DTNBP1: variants seen among roughly 807,000 people sequenced by gnomAD.
DTNBP1 encodes dysbindin.
DTNBP1 carries 35 observed loss-of-function variants against 42.8 expected under a neutral mutation model. The ratio of observed to expected loss-of-function variants is 0.82; its 90% CI spans 0.63 to 1.09. DTNBP1 has a LOEUF of 1.09. Ranked by LOEUF, DTNBP1 falls within the 50% of genes least tolerant of loss-of-function variation. The pLI is 0.00. For missense variants in DTNBP1, 457 were observed against 424.2 expected (o/e 1.08, Z -0.68); for synonymous variants, 171 against 162.2 (o/e 1.05, Z -0.41).
chr6:15,660,522 C>T (rs1761546404), intron 1 of DTNBP1: 8 of 1,289,734 alleles, frequency 6.2e-6, no homozygotes, highest in Non-Finnish European at 8.1e-6. Flanking sequence ...TGAAAGTGAC[C>T]TGTACAGGAG....
intron 7 of DTNBP1, among the ~76,000 whole-genome samples, chr6:15,584,860 AC>A (rs140140702): frequency 1.3e-5 from 2 of 148,426 alleles, no homozygotes; most frequent in East Asian, 2.0e-4. Context: ...CTCAGTTACC[AC>A]CCCCATGGAT....
chr6:15,522,826 ATTG>A lies in DTNBP1; in HGVS notation c.*146_*148del, dbSNP rs1159014718. ...TCTCAGTTTACCGTCCTCACACTTTATTGTTAGCTGTTCTTTAAGTTTCTCACA... is the reference window on the plus strand; with the variant it reads ...TCTCAGTTTACCGTCCTCACACTTTATTAGCTGTTCTTTAAGTTTCTCACA... On this transcript the variant is annotated 3_prime_UTR_variant, in exon 10 of 10. Coordinates refer to ENST00000344537, the MANE Select transcript of DTNBP1 (RefSeq NM_032122.5). 1.6e-5 allele frequency: 22 copies of A among 1,390,822 alleles called. No homozygotes were observed. The South Asian group carries it at 2.6e-4, about 16-fold the overall frequency. 86.2% of individuals were successfully genotyped at this position (1,390,822 alleles called of 1,614,324 possible). A position where few individuals can be genotyped will look rare whatever the true frequency, so the allele number is the denominator to read the frequency against.
chr6:15,526,206 C>T lies in DTNBP1; in HGVS notation c.668-1537G>A, dbSNP rs574104032. Among the ~76,000 whole-genome samples the T allele has an allele frequency of 2.0e-5, 3 of 152,202 alleles. No homozygotes were observed. In the South Asian group the frequency reaches 6.2e-4, roughly 32 times the overall value. On this transcript the variant is annotated intron_variant, in intron 8 of 9. Coordinates refer to ENST00000344537, the MANE Select transcript of DTNBP1 (RefSeq NM_032122.5). ...AAACACGTCATTATGAGCCTGCTCT[C>T]GCTAGAGGCATAGTGAAGGAAGGGC... is the stretch of plus-strand genomic sequence containing the variant.
At chr6:15,523,263 T>C (rs368145723) in intron 9 of DTNBP1, 44 bp from the exon 10 acceptor site, 34 of 1,612,210 alleles carry the variant, frequency 2.1e-5, no homozygotes, top group African/African-American at 6.7e-5. Flanking sequence ...CATAAAAATA[T>C]TGTGAATCAG....
intron 5 of DTNBP1, among the ~76,000 whole-genome samples, chr6:15,617,181 C>A (rs561446088): frequency 1.6e-4 from 24 of 152,062 alleles, no homozygotes; most frequent in African/African-American, 5.5e-4. Context: ...GATGAAAGAT[C>A]TCTACAAGAC....
intron 7 of DTNBP1, among the ~76,000 whole-genome samples, chr6:15,557,930 TA>T (rs1166115015): frequency 6.6e-6 from 1 of 152,000 alleles, no homozygotes; most frequent in Non-Finnish European, 1.5e-5. Flanking sequence ...TCCCCTAAAG[TA>T]AAAAATGATA....
At chr6:15,626,284 T>A (rs1460218570) in intron 5 of DTNBP1, among the ~76,000 whole-genome samples, 1 of 152,236 alleles carries the variant, frequency 6.6e-6, no homozygotes, top group African/African-American at 2.4e-5. Context: ...TATCTGTAAA[T>A]CATCTAATCA....
intron 1 of DTNBP1, among the ~76,000 whole-genome samples, chr6:15,658,374 T>G (rs12196958): frequency 6.6e-6 from 1 of 152,156 alleles, no homozygotes; most frequent in African/African-American, 2.4e-5. Flanking sequence ...GTAATTTAGA[T>G]GACTGGCTCC....
chr6:15,553,075 A>T (rs1047386822), intron 7 of DTNBP1, among the ~76,000 whole-genome samples: 3 of 152,198 alleles, frequency 2.0e-5, no homozygotes, highest in Admixed American at 2.0e-4. Flanking sequence ...AAAAATCCAA[A>T]AACTCTTGCC....
intron 9 of DTNBP1, chr6:15,523,660 A>T (rs919877599): frequency 8.4e-5 from 108 of 1,287,252 alleles, no homozygotes; most frequent in Non-Finnish European, 1.1e-4. Context: ...TATGGAACTA[A>T]ATAGGCTCTT....
chr6:15,532,203 G>A (rs1039218940), intron 8 of DTNBP1, among the ~76,000 whole-genome samples: 4 of 152,220 alleles, frequency 2.6e-5, no homozygotes, highest in African/African-American at 4.8e-5. Context: ...CCTGTGCAGC[G>A]CAGGCTGGAG....
intron 5 of DTNBP1, among the ~76,000 whole-genome samples, chr6:15,618,731 A>T (rs1260021901): frequency 6.6e-6 from 1 of 152,212 alleles, no homozygotes; most frequent in African/African-American, 2.4e-5. Context: ...TCGGGAATAC[A>T]GCCAAGGGAA....
intron 7 of DTNBP1, among the ~76,000 whole-genome samples, chr6:15,561,484 A>AC (rs1411126256): frequency 6.6e-6 from 1 of 152,162 alleles, no homozygotes; most frequent in Non-Finnish European, 1.5e-5. Flanking sequence ...AATGGCCCTC[A>AC]CCATATGGAT....
intron 7 of DTNBP1, chr6:15,585,895 T>C (rs1776061380): frequency 7.0e-7 from 1 of 1,428,240 alleles, no homozygotes; most frequent in Non-Finnish European, 9.2e-7. Context: ...AGAAGCAGGT[T>C]TTTCCAAAGA....
chr6:15,540,196 G>GAA (rs67958374), intron 7 of DTNBP1, among the ~76,000 whole-genome samples: 3 of 150,768 alleles, frequency 2.0e-5, no homozygotes, highest in Admixed American at 1.3e-4. Flanking sequence ...GTACTCGTAA[G>GAA]AAAAAAAAAT....
chr6:15,549,491 TAAAAAAAAAAAA>T (rs1171397685), intron 7 of DTNBP1, among the ~76,000 whole-genome samples: 4 of 77,954 alleles, frequency 5.1e-5, no homozygotes, highest in South Asian at 8.4e-4. Flanking sequence ...TCTCAGGGAT[TAAAAAAAAAAAA>T]AAAAAAAAAA....
At chr6:15,523,982 A>G (rs1186429891) in intron 9 of DTNBP1, 14 of 1,287,682 alleles carry the variant, frequency 1.1e-5, no homozygotes, top group African/African-American at 1.5e-5. Flanking sequence ...CACCAAGCCC[A>G]GGTACAGGTC....
intron 3 of DTNBP1, among the ~76,000 whole-genome samples, chr6:15,639,409 T>C (rs953253999): frequency 2.0e-5 from 3 of 152,240 alleles, no homozygotes; most frequent in Non-Finnish European, 4.4e-5. Context: ...CCAGCGAATA[T>C]TTCTCCAAAC....
In DTNBP1 at chr6:15,662,828, C is replaced by T; in HGVS notation, c.42G>A (p.Gln14=). 2 of 1,611,196 alleles carry T rather than the reference C, an allele frequency of 1.2e-6. No individual in the cohort carries two copies. Among genetic ancestry groups the T allele is most frequent in the South Asian group, 1.1e-5 (1 of 91,066 alleles). The stretch of plus-strand genomic sequence containing the variant: ...CGTATACCCACCCGGAGGTGAAATC[C>T]TGCTGCACGCTCAGCAGCCGCTCGC... The part of the protein sequence containing the change: ...TLRERLLSVQ[Q]DFTSGLKTLS... The change falls in exon 1 of 10, where the codon CAG becomes CAA. Residue 14 remains glutamine (Q), a synonymous_variant. Transcript: ENST00000344537.
Sources: gnomAD v4.1 joint callset for allele counts (sites outside exome capture counted in the v4.1 genomes callset) on GRCh38, gnomAD v4.1.1 for gene constraint, MANE v1.5 for transcripts, NCBI Gene and HGNC (gene_info 2026-07-23, HGNC 2026-07-21) for gene names.